Variants in FBN3 observed in about 807,000 individuals in gnomAD.
The protein encoded by FBN3 is fibrillin-3.
FBN3 carries 234 observed loss-of-function variants against 330.1 expected under a neutral mutation model. That is an observed-to-expected ratio of 0.71 (90% CI 0.64 to 0.79). The LOEUF (loss-of-function observed/expected upper bound fraction) is 0.79. FBN3 is among the 30% of genes least tolerant of loss of function. FBN3 has a pLI of 0.00. For missense variants in FBN3, 3,606 were observed against 3,886.9 expected (o/e 0.93, Z 1.92); for synonymous variants, 1,458 against 1,517.3 (o/e 0.96, Z 0.91).
rs754932750 is a variant in FBN3 at position 8,138,199 on chromosome 19, G to T, written c.1143C>A (p.Asn381Lys). The change falls in exon 10 of 64, where the codon AAC becomes AAA. Residue 381 changes from asparagine (N) to lysine (K), a missense_variant. By Grantham distance (94) the Asn-to-Lys change is moderately conservative. Transcript: ENST00000600128. ...TCCCACGCGCATCAGAGCCATGGGG[G>T]TTGAGTCGCGCTGGCCCAAGAGGGG... ...MGPPLGPARL[N>K]PHGSDARGIP... 1.2e-6 allele frequency: 2 copies of T among 1,612,948 alleles called. No individual in the cohort carries two copies. The highest frequency in any genetic ancestry group is 2.2e-5 in the South Asian group (2 of 90,946).
intron 5 of FBN3, 107 bp downstream of exon 5, chr19:8,145,736 G>A (rs1035500245): frequency 1.4e-6 from 1 of 739,038 alleles, no homozygotes; most frequent in Non-Finnish European, 2.2e-6. Context: ...GCAATCTCCA[G>A]TCCAGGAAGA....
At chr19:8,124,511 T>C (rs111947919) in intron 22 of FBN3, among the ~76,000 whole-genome samples, 189 of 149,990 alleles carry the variant, frequency 1.3e-3, no homozygotes, top group African/African-American at 4.3e-3. Flanking sequence ...GTGCTGGGAT[T>C]ACAGGTGTGA....
intron 56 of FBN3, 25 bp downstream of exon 56, chr19:8,085,338 G>C (rs755785882): frequency 1.3e-6 from 2 of 1,548,366 alleles, no homozygotes; most frequent in Admixed American, 4.2e-5. Context: ...GCCTCCCTGG[G>C]GGTCCTGAGG....
rs754843744 is a variant in FBN3, at chr19:8,116,658, C to G, written c.3712+16G>C. 44 of 1,603,078 alleles carry G rather than the reference C, an allele frequency of 2.7e-5. No individual in the cohort carries two copies. The African/African-American group carries it at 4.5e-4, about 17-fold the overall frequency. On this transcript the variant is annotated intron_variant, in intron 29 of 63. Transcript: ENST00000600128. ...GCCTCCTCCACCCGCCCCGCCCCAC[C>G]GTCCCGGCTCCTCACCAACACATGT...
At position 8,126,320 on chromosome 19, in the gene FBN3, C is replaced by G. The variant is rs371313814; in HGVS notation, c.2582G>C (p.Arg861Pro). The G allele has an allele frequency of 1.3e-6, 2 of 1,590,022 alleles. No homozygotes were observed. The highest frequency in any genetic ancestry group is 8.5e-7 in the Non-Finnish European group (1 of 1,170,162). ...IDPACARGFA[R>P]MTGVTCDDVN... ...ACCATCGCAGGTGACACCCGTCATC[C>G]GGGCAAAGCCCCGGGCACAGGCAGG... The change falls in exon 21 of 64, where the codon CGG (arginine) becomes CCG (proline). Residue 861 changes from arginine (R) to proline (P), a missense_variant. Physicochemically the swap from Arg to Pro is moderately radical, Grantham distance 103. Transcript: ENST00000600128.
rs761616464 is a variant in FBN3 at position 8,066,056 on chromosome 19, G to A, written c.8293C>T (p.Arg2765Trp). 7.4e-6 allele frequency: 12 copies of A among 1,613,244 alleles called. No homozygotes were observed. The highest frequency in any genetic ancestry group is 1.6e-4 in the Middle Eastern group (1 of 6,062). ...TAGGTTCCAGGCCCCGGCCGCCTCC[G>A]CCCCAGCTGCAGGGAGCTGACGCCA... is the stretch of plus-strand genomic sequence containing the variant. ...LRGVSSLQLG[R>W]RRPGPGTYRL... The change falls in exon 64 of 64, where the codon CGG becomes TGG. Residue 2765 changes from arginine to tryptophan, a missense_variant. Coordinates refer to ENST00000600128, the MANE Select transcript of FBN3 (RefSeq NM_032447.5).
rs528322200 is a variant in FBN3, at chr19:8,138,070, T to A, written c.1201+71A>T. ...TGAGGCCTGGACACCGTCCCCTGTTTGGAGCTCTCTCCCCAGATCCAGGAC... is the reference window on the plus strand; with the variant it reads ...TGAGGCCTGGACACCGTCCCCTGTTAGGAGCTCTCTCCCCAGATCCAGGAC... On this transcript the variant is annotated intron_variant, in intron 10 of 63. Coordinates refer to ENST00000600128, the MANE Select transcript of FBN3 (RefSeq NM_032447.5). 635 of 1,466,318 alleles carry A rather than the reference T, an allele frequency of 4.3e-4. 3 individuals carry two copies. In the African/African-American group the frequency reaches 8.1e-3, roughly 19 times the overall value. 90.8% of individuals were successfully genotyped at this position (1,466,318 alleles called of 1,614,324 possible). A position where few individuals can be genotyped will look rare whatever the true frequency, so the allele number is the denominator to read the frequency against.
Position 8,129,685 on chromosome 19 carries a change from C to T in FBN3, c.2045-320G>A, listed in dbSNP as rs74711041. On this transcript the variant is annotated intron_variant, in intron 16 of 63. Transcript: ENST00000600128. The surrounding 1 kb of genome is among the most constrained non-coding windows in gnomAD (Gnocchi z 4.5). ...TACTCCAGACATTGTCAAATGACCT[C>T]GGTGGGGCAGGGGCCAAATTATCTC... 1.3e-3 allele frequency among the ~76,000 whole-genome samples: 198 copies of T among 152,198 alleles called. 1 individual carries two copies. The East Asian group carries it at 0.015, about 12-fold the overall frequency.
intron 13 of FBN3, among the ~76,000 whole-genome samples, chr19:8,134,242 A>AAAATAAAT (rs1211341951): frequency 3.6e-5 from 1 of 27,516 alleles, no homozygotes; most frequent in Non-Finnish European, 7.2e-5. Context: ...ACTCCATCTC[A>AAAATAAAT]AAATAAATAA....
Position 8,096,479 on chromosome 19 carries a change from C to T in FBN3, c.5504G>A (p.Gly1835Glu), listed in dbSNP as rs1225647707. 1 of 1,614,032 alleles carries T rather than the reference C, an allele frequency of 6.2e-7. No individual in the cohort carries two copies. The highest frequency in any genetic ancestry group is 8.5e-7 in the Non-Finnish European group (1 of 1,179,974). Residue 1835 changes from glycine (G) to glutamate (E), a missense_variant, in exon 44 of 64, where the codon GGA (glycine) becomes GAA (glutamate). Gly to Glu is a moderately conservative substitution (Grantham distance 98). Transcript: ENST00000600128. This position sits in a 1 kb window ranked among gnomAD's most constrained non-coding sequence, Gnocchi z 4.6. ...EGSYMCLCHR[G>E]FQASADQTLC... ...GGTCTGGTCTGCAGAGGCCTGGAAT[C>T]CACGGTGACACAGACACATGTAGCT...
chr19:8,132,339 T>G (rs185073413), intron 14 of FBN3, among the ~76,000 whole-genome samples: 6 of 152,006 alleles, frequency 3.9e-5, no homozygotes, highest in Admixed American at 2.6e-4. Context: ...CATGCTACCA[T>G]GCCCAGCTAA....
In FBN3 at chr19:8,096,688, A is replaced by T. The variant is rs2082216335; in HGVS notation, c.5414-119T>A. ...GAAGTTCCCCACTCAAACTTCCACC[A>T]GGGGCGTCAGGCTGTCTGCATGGAC... On this transcript the variant is annotated intron_variant, in intron 43 of 63. Transcript: ENST00000600128. This position sits in a 1 kb window ranked among gnomAD's most constrained non-coding sequence, Gnocchi z 4.6. 1.1e-5 allele frequency: 16 copies of T among 1,418,800 alleles called. No homozygotes were observed. The highest frequency in any genetic ancestry group is 1.4e-5 in the Non-Finnish European group (15 of 1,050,308). The allele number at this position is 1,418,800 out of a possible 1,614,324, so 87.9% of individuals were successfully genotyped here.
chr19:8,126,965 C>T, intron 18 of FBN3, 133 bp from the exon 19 acceptor site: 2 of 971,800 alleles, frequency 2.1e-6, no homozygotes, highest in African/African-American at 3.3e-5. Context: ...ATGCAGAGGG[C>T]ACTGGAATCA....
At position 8,129,430 on chromosome 19, in the gene FBN3, T is replaced by C. The variant is rs1016627318; in HGVS notation, c.2045-65A>G. 4 of 1,591,576 alleles carry C rather than the reference T, an allele frequency of 2.5e-6. No individual in the cohort carries two copies. The East Asian group carries it at 6.7e-5, about 27-fold the overall frequency. Reference sequence around the variant, plus strand: ...GGGTGTGTCCGAGGCAGGAGGAGGGTGTGTCGCGGCGCACCAGGGGTCTCT... The same window carrying C: ...GGGTGTGTCCGAGGCAGGAGGAGGGCGTGTCGCGGCGCACCAGGGGTCTCT... On this transcript the variant is annotated intron_variant, in intron 16 of 63. Transcript: ENST00000600128. This position sits in a 1 kb window ranked among gnomAD's most constrained non-coding sequence, Gnocchi z 4.5.
chr19:8,145,483 A>G (rs900642784), intron 5 of FBN3, among the ~76,000 whole-genome samples: 3 of 151,600 alleles, frequency 2.0e-5, no homozygotes, highest in African/African-American at 7.3e-5. Flanking sequence ...GATCAAGACC[A>G]TCCTGGCTAA....
intron 6 of FBN3, among the ~76,000 whole-genome samples, chr19:8,143,811 C>CTTTT (rs2083470668): frequency 8.3e-6 from 1 of 120,578 alleles, no homozygotes; most frequent in Admixed American, 9.1e-5. Flanking sequence ...TTCTTTCTTT[C>CTTTT]TTTCTTTCTT....
Position 8,096,933 on chromosome 19 carries a change from G to T in FBN3, c.5361C>A (p.Tyr1787Ter), listed in dbSNP as rs138081025. ...NADCINIPGS[Y>*]RCKCTRGYKL... Reference sequence around the variant, plus strand: ...TGTACCCTCGGGTGCACTTGCAGCGGTAGCTACCGGGGATGTTGATGCAGT... The same window carrying T: ...TGTACCCTCGGGTGCACTTGCAGCGTTAGCTACCGGGGATGTTGATGCAGT... The change falls in exon 43 of 64, where the codon TAC becomes TAA. Residue 1787 changes from tyrosine (Y) to a stop codon, truncating the protein, a stop_gained. Transcript: ENST00000600128. LOFTEE classifies it high-confidence loss of function. This position sits in a 1 kb window ranked among gnomAD's most constrained non-coding sequence, Gnocchi z 4.6. The T allele has an allele frequency of 6.2e-7, 1 of 1,613,804 alleles. No individual in the cohort carries two copies. The highest frequency in any genetic ancestry group is 1.3e-5 in the African/African-American group (1 of 75,038).
In FBN3 at chr19:8,111,540, A is replaced by G; in HGVS notation, c.4084+108T>C. ...CCTCTCCAGCACCCACAGAGCGGCG[A>G]TTGAGTCAGAAGGAGTCAGGAGGTC... is the stretch of plus-strand genomic sequence containing the variant. On this transcript the variant is annotated intron_variant, in intron 32 of 63. Coordinates refer to ENST00000600128, the MANE Select transcript of FBN3 (RefSeq NM_032447.5). The G allele has an allele frequency of 2.4e-6, 3 of 1,262,882 alleles. No homozygotes were observed. In the South Asian group the frequency reaches 4.3e-5, roughly 18 times the overall value. 78.2% of individuals were successfully genotyped at this position (1,262,882 alleles called of 1,614,324 possible).
At position 8,141,916 on chromosome 19, in the gene FBN3, C is replaced by T. The variant is rs753583685; in HGVS notation, c.739+24G>A. The T allele has an allele frequency of 3.7e-6, 6 of 1,613,450 alleles. No homozygotes were observed. In the African/African-American group the frequency reaches 8.0e-5, roughly 22 times the overall value. On this transcript the variant is annotated intron_variant, in intron 7 of 63. Coordinates refer to ENST00000600128, the MANE Select transcript of FBN3 (RefSeq NM_032447.5). ...GAACCAAGGCAGCTAAGGCCTCCCA[C>T]TCAGCCCTGACCCCACTATTCACCT... is the stretch of plus-strand genomic sequence containing the variant.
Sources: allele counts gnomAD v4.1 joint callset (sites outside exome capture counted in the v4.1 genomes callset), GRCh38; gene constraint gnomAD v4.1.1; non-coding constraint Gnocchi (gnomAD v3.1); transcripts MANE v1.5; gene names NCBI Gene and HGNC (gene_info 2026-07-23, HGNC 2026-07-21).